USH2A: variants seen among roughly 807,000 people sequenced by gnomAD.
The protein encoded by USH2A is usherin.
A neutral mutation model predicts 538.9 loss-of-function variants in USH2A; 443 were observed. The ratio of observed to expected loss-of-function variants is 0.82; its 90% CI spans 0.76 to 0.89. The LOEUF is 0.89. USH2A is among the 40% of genes least tolerant of loss of function. The pLI is 0.00. For missense variants in USH2A, 6,633 were observed against 6,324.8 expected (o/e 1.05, Z -1.65); for synonymous variants, 2,413 against 2,273.5 (o/e 1.06, Z -1.75).
intron 21 of USH2A, among the ~76,000 whole-genome samples, chr1:216,130,149 C>A (rs2102601541): frequency 6.6e-6 from 1 of 151,976 alleles, no homozygotes; most frequent in South Asian, 2.1e-4. Flanking sequence ...TTGGTTTGGG[C>A]AAAAATTTCT....
In USH2A at chr1:216,101,501, C is replaced by A. The variant is rs1487655060; in HGVS notation, c.4628-4288G>T. Among the ~76,000 whole-genome samples the A allele has an allele frequency of 2.0e-5, 3 of 152,264 alleles. 1 individual carries two copies. Among genetic ancestry groups the A allele is most frequent in the East Asian group, 3.9e-4 (2 of 5,176 alleles). On this transcript the variant is annotated intron_variant, in intron 21 of 71. Transcript: ENST00000307340. ...GCGCAGGAGAGCAGAAATTTTAATACAGCTGTGTAGTTGAACTTGTCTTCC... is the reference window on the plus strand; with the variant it reads ...GCGCAGGAGAGCAGAAATTTTAATAAAGCTGTGTAGTTGAACTTGTCTTCC...
chr1:215,826,802 A>G (rs749306424), intron 47 of USH2A, among the ~76,000 whole-genome samples: 7 of 152,130 alleles, frequency 4.6e-5, no homozygotes, highest in Non-Finnish European at 7.4e-5. Flanking sequence ...TAAAATGGTT[A>G]TATAAACTTA....
chr1:215,824,843 G>A (rs1663109850), intron 47 of USH2A, among the ~76,000 whole-genome samples: 1 of 152,144 alleles, frequency 6.6e-6, no homozygotes, highest in Non-Finnish European at 1.5e-5. Flanking sequence ...GCGTGGTGCT[G>A]AATATATTGG....
chr1:216,313,335 G>A (rs1420873983), intron 9 of USH2A, among the ~76,000 whole-genome samples: 1 of 152,124 alleles, frequency 6.6e-6, no homozygotes, highest in African/African-American at 2.4e-5. Context: ...CCTGTTCTAT[G>A]ATTCTAGGAT....
intron 37 of USH2A, among the ~76,000 whole-genome samples, chr1:215,959,947 G>A (rs780074475): frequency 3.3e-4 from 50 of 152,062 alleles, no homozygotes; most frequent in Middle Eastern, 3.2e-3. Flanking sequence ...TAAACAATTC[G>A]CAGAGGACTC....
At chr1:216,196,210 G>A (rs1409863203) in intron 19 of USH2A, among the ~76,000 whole-genome samples, 2 of 151,992 alleles carry the variant, frequency 1.3e-5, no homozygotes, top group Non-Finnish European at 2.9e-5. Context: ...TATCAACTGA[G>A]TGTGGACTGG....
intron 61 of USH2A, among the ~76,000 whole-genome samples, chr1:215,713,059 G>A (rs1326744469): frequency 6.6e-6 from 1 of 152,090 alleles, no homozygotes; most frequent in African/African-American, 2.4e-5. Context: ...TGCCCACCTC[G>A]GCTTCCCAAA....
At chr1:216,361,673 A>G (rs553611828) in intron 4 of USH2A, among the ~76,000 whole-genome samples, 1 of 152,204 alleles carries the variant, frequency 6.6e-6, no homozygotes, top group South Asian at 2.1e-4. Context: ...AATGCACTAC[A>G]TGGCTACAAG....
intron 30 of USH2A, among the ~76,000 whole-genome samples, chr1:216,055,114 A>G (rs1174787332): frequency 1.3e-5 from 2 of 152,118 alleles, no homozygotes; most frequent in African/African-American, 4.8e-5. Context: ...TCTAAATGAT[A>G]TCTTCTACTA....
chr1:216,274,391 ATATT>A (rs1271230971), intron 11 of USH2A, among the ~76,000 whole-genome samples: 3 of 152,070 alleles, frequency 2.0e-5, no homozygotes, highest in East Asian at 1.9e-4. Context: ...ATCTATATCT[ATATT>A]TATTTGTCTA....
chr1:216,164,477 A>G (rs1424699823), intron 21 of USH2A, among the ~76,000 whole-genome samples: 1 of 152,168 alleles, frequency 6.6e-6, no homozygotes, highest in African/African-American at 2.4e-5. Flanking sequence ...TAATTGATCC[A>G]TGAGAAAATG....
At chr1:215,931,796 T>C (rs1372261418) in intron 38 of USH2A, among the ~76,000 whole-genome samples, 2 of 152,024 alleles carry the variant, frequency 1.3e-5, no homozygotes, top group Admixed American at 6.6e-5. Context: ...TCCTACTCTA[T>C]AGGATCTTAT....
intron 4 of USH2A, among the ~76,000 whole-genome samples, chr1:216,341,719 A>G (rs1199036746): frequency 6.6e-6 from 1 of 152,180 alleles, no homozygotes; most frequent in African/African-American, 2.4e-5. Flanking sequence ...GATCTTTGAC[A>G]AGCTGTACAA....
intron 61 of USH2A, among the ~76,000 whole-genome samples, chr1:215,694,292 T>G (rs10465701): frequency 0.42 from 63,352 of 152,032 alleles, 13,348 homozygotes; most frequent in East Asian, 0.59. Context: ...CAAAATTTCT[T>G]GCCAGGCGTG....
intron 21 of USH2A, among the ~76,000 whole-genome samples, chr1:216,168,795 T>C (rs1011952192): frequency 2.6e-5 from 4 of 152,240 alleles, no homozygotes; most frequent in East Asian, 1.9e-4. Flanking sequence ...ACCACCCAGA[T>C]TGATAAACTG....
chr1:215,851,383 C>G (rs576303174), intron 44 of USH2A, among the ~76,000 whole-genome samples: 2 of 152,098 alleles, frequency 1.3e-5, no homozygotes, highest in African/African-American at 4.8e-5. Flanking sequence ...ACTGATACCA[C>G]AGAAATACAA....
At chr1:215,742,343 T>G (rs764924057) in intron 59 of USH2A, among the ~76,000 whole-genome samples, 4 of 152,128 alleles carry the variant, frequency 2.6e-5, no homozygotes, top group Non-Finnish European at 5.9e-5. Context: ...AGCAAAATGT[T>G]TTTTATACTA....
Position 215,965,327 on chromosome 1 carries a change from A to C in USH2A, c.7110T>G (p.Tyr2370Ter). The change falls in exon 37 of 72, where the codon TAT (tyrosine) becomes TAG (stop). Residue 2370 changes from tyrosine (Y) to a stop codon, truncating the protein, a stop_gained. Coordinates refer to ENST00000307340, the MANE Select transcript of USH2A (RefSeq NM_206933.4). LOFTEE classifies it high-confidence loss of function. Reference sequence around the variant, plus strand: ...ATAAAAACAAATTACCTGGGTCTACATAGAATATCCCAGTGAAAAGGACTG... The same window carrying C: ...ATAAAAACAAATTACCTGGGTCTACCTAGAATATCCCAGTGAAAAGGACTG... The part of the protein sequence containing the change: ...THSVLFTGIF[Y>*]VDPVGNNYTL... 2 of 1,613,650 alleles carry C rather than the reference A, an allele frequency of 1.2e-6. No homozygotes were observed. Among genetic ancestry groups the C allele is most frequent in the Non-Finnish European group, 1.7e-6 (2 of 1,179,704 alleles).
At chr1:216,254,094 T>C (rs1392362083) in intron 11 of USH2A, among the ~76,000 whole-genome samples, 1 of 152,208 alleles carries the variant, frequency 6.6e-6, no homozygotes, top group Non-Finnish European at 1.5e-5. Flanking sequence ...ATTCTTTCTA[T>C]ATGAACTCTG....
Sources: gnomAD v4.1 joint callset for allele counts (sites outside exome capture counted in the v4.1 genomes callset) on GRCh38, gnomAD v4.1.1 for gene constraint, MANE v1.5 for transcripts, NCBI Gene and HGNC (gene_info 2026-07-23, HGNC 2026-07-21) for gene names.